Variants in CDK10 observed in about 807,000 individuals in gnomAD.
The protein encoded by CDK10 is cyclin-dependent kinase 10.
In CDK10, 55 loss-of-function variants were observed where a neutral mutation model predicts 51.0. The ratio of observed to expected loss-of-function variants is 1.08; its 90% confidence interval spans 0.87 to 1.35. CDK10 has a LOEUF of 1.35. CDK10 is among the 40% of genes most tolerant of loss of function. The probability of loss-of-function intolerance (pLI) is 0.00; values close to 1 mark genes in which losing one functional copy is unlikely to be tolerated. For synonymous variants in CDK10, 255 were observed against 199.1 expected (o/e 1.28, Z -2.36); for missense variants, 589 against 485.1 (o/e 1.21, Z -2.01).
intron 3 of CDK10, 98 bp from the exon 4 acceptor site, chr16:89,691,345 A>G (rs2060438010): frequency 3.7e-6 from 3 of 812,932 alleles, no homozygotes. Flanking sequence ...ACACTGCAGC[A>G]CCTGCTATCA....
At chr16:89,693,729 G>A (rs968734937) in intron 8 of CDK10, 21 of 570,690 alleles carry the variant, frequency 3.7e-5, no homozygotes, top group East Asian at 5.9e-5. Flanking sequence ...CACCGTGGCC[G>A]TGAAACCATC....
At chr16:89,687,615 A>G (rs1377653772) in intron 1 of CDK10, 4 of 444,402 alleles carry the variant, frequency 9.0e-6, no homozygotes, top group Non-Finnish European at 9.2e-6. Flanking sequence ...CCAGGCTGGA[A>G]TGCAGTGGCG....
rs147985692 is a variant in CDK10, at chr16:89,692,466, G to A, written c.435G>A (p.Leu145=). ...CTGCACAGGTCAAGTGCATCGTGCTGCAGGTGCTCCGGGGCCTCCAGTATC... is the reference window on the plus strand; with the variant it reads ...CTGCACAGGTCAAGTGCATCGTGCTACAGGTGCTCCGGGGCCTCCAGTATC... The part of the protein sequence containing the change: ...FSEAQVKCIV[L]QVLRGLQYLH... The change falls in exon 6 of 13, where the codon CTG becomes CTA. Residue 145 remains leucine, a synonymous_variant. Transcript: ENST00000353379. 16 of 1,596,642 alleles carry A rather than the reference G, an allele frequency of 1.0e-5. No individual in the cohort carries two copies. In the African/African-American group the frequency reaches 1.6e-4, roughly 16 times the overall value.
At position 89,695,303 on chromosome 16, in the gene CDK10, G is replaced by A. The variant is rs368575392; in HGVS notation, c.943G>A (p.Gly315Arg). The A allele has an allele frequency of 1.9e-4, 304 of 1,610,880 alleles. No individual in the cohort carries two copies. The highest frequency in any genetic ancestry group is 2.4e-4 in the Non-Finnish European group (285 of 1,178,220). ...MYDPKKRATA[G>R]DCLESSYFKE... ...GGCTGCCTCCTCCAGGGCGACGGCC[G>A]GGGACTGCCTGGAGAGCTCCTATTT... Residue 315 changes from glycine to arginine, a missense_variant, in exon 12 of 13, where the codon GGG (glycine) becomes AGG (arginine). Transcript: ENST00000353379.
chr16:89,691,113 C>T (rs559962775), intron 3 of CDK10, among the ~76,000 whole-genome samples: 2 of 152,270 alleles, frequency 1.3e-5, no homozygotes, highest in Admixed American at 6.5e-5. Flanking sequence ...TGGAGAAACC[C>T]CATCTCTACT....
At chr16:89,692,547 C>G (rs774103375) in intron 6 of CDK10, 31 bp downstream of exon 6, 4 of 1,540,150 alleles carry the variant, frequency 2.6e-6, no homozygotes, top group East Asian at 2.4e-5. Context: ...GTTGGAAGCA[C>G]AAATTCGGCT....
At position 89,691,873 on chromosome 16, in the gene CDK10, T is replaced by G; in HGVS notation, c.403T>G (p.Phe135Val). 6.2e-7 allele frequency: 1 copy of G among 1,613,842 alleles called. No individual in the cohort carries two copies. Among genetic ancestry groups the G allele is most frequent in the Non-Finnish European group, 8.5e-7 (1 of 1,179,904 alleles). Residue 135 changes from phenylalanine (F) to valine (V), a missense_variant, in exon 5 of 13, where the codon TTC (phenylalanine) becomes GTC (valine). Physicochemically the swap from Phe to Val is conservative, Grantham distance 50. Transcript: ENST00000353379. The stretch of plus-strand genomic sequence containing the variant: ...CCTCCTGGAGAATATGCCAACACCC[T>G]TCTCGGAGGCTCAGGTGCGTGGCAG... ...ASLLENMPTP[F>V]SEAQVKCIVL...
chr16:89,691,267 G>A (rs868839047), intron 3 of CDK10, among the ~76,000 whole-genome samples, 176 bp from the exon 4 acceptor site: 4 of 151,750 alleles, frequency 2.6e-5, no homozygotes, highest in African/African-American at 4.8e-5. Context: ...CCTGGGCAAC[G>A]AGCGAAACTC....
chr16:89,694,013 CTG>C (rs2060576960), intron 8 of CDK10, 158 bp from the exon 9 acceptor site: 3 of 702,188 alleles, frequency 4.3e-6, no homozygotes, highest in Non-Finnish European at 7.6e-6. Context: ...GCAACCATTG[CTG>C]TGTGTGCCAC....
intron 1 of CDK10, chr16:89,687,502 G>T (rs1229951036): frequency 2.2e-6 from 1 of 456,234 alleles, no homozygotes; most frequent in South Asian, 1.5e-5. Context: ...ACGTGCAGCA[G>T]GCGCTCACCG....
chr16:89,687,570 T>C (rs1276952963), intron 1 of CDK10: 20 of 451,098 alleles, frequency 4.4e-5, no homozygotes, highest in Non-Finnish European at 7.2e-5. Flanking sequence ...TTTTCTTTTT[T>C]GTTGTTTTTT....
intron 1 of CDK10, chr16:89,687,898 C>T (rs1480057420): frequency 3.6e-5 from 11 of 309,322 alleles, no homozygotes; most frequent in Non-Finnish European, 5.9e-5. Flanking sequence ...TGACTCGGTC[C>T]CCAGGTGTCA....
At position 89,694,651 on chromosome 16, in the gene CDK10, A is replaced by C; in HGVS notation, c.669-14A>C. 6.3e-7 allele frequency: 1 copy of C among 1,583,002 alleles called. No homozygotes were observed. On this transcript the variant is annotated splice_polypyrimidine_tract_variant and intron_variant, in intron 9 of 12. Coordinates refer to ENST00000353379, the MANE Select transcript of CDK10 (RefSeq NM_052988.5). ...CAGACGTCTGGCCGCAGTGAGGTCC[A>C]CTGTTCTCTGCAGGGCTGTGGGCTG...
intron 9 of CDK10, 96 bp from the exon 10 acceptor site, chr16:89,694,569 G>T (rs1160651660): frequency 6.5e-6 from 10 of 1,534,826 alleles, no homozygotes; most frequent in African/African-American, 5.5e-5. Flanking sequence ...ACACTGGCAG[G>T]GTCAGCAAAG....
intron 2 of CDK10, 41 bp downstream of exon 2, chr16:89,689,365 C>A: frequency 3.2e-6 from 5 of 1,571,012 alleles, no homozygotes; most frequent in Middle Eastern, 1.7e-4. Context: ...CAGCTCGTGG[C>A]TGTGACAGTG....
intron 1 of CDK10, 97 bp from the exon 2 acceptor site, chr16:89,689,155 A>G (rs2060330872): frequency 2.7e-6 from 3 of 1,112,812 alleles, no homozygotes. Context: ...GGTGAGCAAG[A>G]CGTGAGTGGG....
intron 4 of CDK10, 129 bp from the exon 5 acceptor site, chr16:89,691,677 C>T: frequency 8.2e-7 from 1 of 1,219,662 alleles, no homozygotes; most frequent in Non-Finnish European, 1.2e-6. Flanking sequence ...ACCTCACCGC[C>T]TGGCTCAGCC....
chr16:89,690,504 C>A, intron 2 of CDK10, 49 bp from the exon 3 acceptor site: 1 of 1,547,364 alleles, frequency 6.5e-7, no homozygotes, highest in Non-Finnish European at 8.9e-7. Flanking sequence ...GCTAGGGAGC[C>A]CACGAGGGGC....
Position 89,692,505 on chromosome 16 carries a change from CATT to C in CDK10, c.477_479del (p.Ile160del). 6.3e-7 allele frequency: 1 copy of C among 1,592,508 alleles called. No homozygotes were observed. The highest frequency in any genetic ancestry group is 2.4e-5 in the East Asian group (1 of 42,378). On this transcript the variant is annotated inframe_deletion, in exon 6 of 13. Coordinates refer to ENST00000353379, the MANE Select transcript of CDK10 (RefSeq NM_052988.5). ...GCCTCCAGTATCTGCACAGGAACTT[CATT>C]ATCCACAGGTGGGTGACAGCTAGGC... is the stretch of plus-strand genomic sequence containing the variant.
Sources: allele counts gnomAD v4.1 joint callset (sites outside exome capture counted in the v4.1 genomes callset), GRCh38; gene constraint gnomAD v4.1.1; transcripts MANE v1.5; gene names NCBI Gene and HGNC (gene_info 2026-07-23, HGNC 2026-07-21).